Variants in TUBGCP3 observed in about 807,000 individuals in gnomAD.
The protein encoded by TUBGCP3 is gamma-tubulin complex component 3.
In TUBGCP3, 50 loss-of-function variants were observed where a neutral mutation model predicts 123.1. The observed-to-expected ratio is 0.41, with a 90% CI of 0.32 to 0.51. The LOEUF is 0.51. Among genes scored for constraint, TUBGCP3 ranks in the 20% least tolerant of loss-of-function variants. The pLI, the probability that TUBGCP3 is intolerant of heterozygous loss-of-function variation, is 0.36. For synonymous variants in TUBGCP3, 405 were observed against 413.9 expected, an observed-to-expected ratio of 0.98 and a Z score of 0.26; for missense variants, 882 against 1,127.0, an observed-to-expected ratio of 0.78 and a Z score of 3.11.
chr13:112,524,128 G>A lies in TUBGCP3; in HGVS notation c.1556-1619C>T, dbSNP rs1008610737. ...GACACCAAAATTCCCTGATGCTCAA[G>A]TCTCTTCTACAAAATGAAGCAATAT... On this transcript the variant is annotated intron_variant, in intron 13 of 21. Transcript: ENST00000261965. This position sits in a 1 kb window ranked among gnomAD's most constrained non-coding sequence, Gnocchi z 4.4. Among the ~76,000 whole-genome samples the A allele has an allele frequency of 6.6e-6, 1 of 152,100 alleles. No homozygotes were observed. Among genetic ancestry groups the A allele is most frequent in the Non-Finnish European group, 1.5e-5 (1 of 68,028 alleles).
Position 112,504,704 on chromosome 13 carries a change from C to A in TUBGCP3, c.2097G>T (p.Gly699=). ...CCAAAATGTGACACTGGTGCAGCACCCCGGAGAACTCTGCAAGGGAAGAGT... is the reference window on the plus strand; with the variant it reads ...CCAAAATGTGACACTGGTGCAGCACACCGGAGAACTCTGCAAGGGAAGAGT... ...KLLRNMPEFS[G]VLHQCHILAS... Residue 699 remains glycine, a synonymous_variant, in exon 18 of 22, where the codon GGG becomes GGT. Coordinates refer to ENST00000261965, the MANE Select transcript of TUBGCP3 (RefSeq NM_006322.6). The A allele has an allele frequency of 6.2e-7, 1 of 1,613,162 alleles. No homozygotes were observed. Among genetic ancestry groups the A allele is most frequent in the East Asian group, 2.2e-5 (1 of 44,842 alleles).
In TUBGCP3 at chr13:112,488,767, G is replaced by A. The variant is rs533497619; in HGVS notation, c.2565+814C>T. ...CACACCCACCACAGGGGAGCACAGG[G>A]GTCACCCCCAGGTCCCCACACCCAC... On this transcript the variant is annotated intron_variant, in intron 21 of 21. Transcript: ENST00000261965. Among the ~76,000 whole-genome samples the A allele has an allele frequency of 3.8e-3, 513 of 133,692 alleles. 5 individuals carry two copies. Among genetic ancestry groups the A allele is most frequent in the African/African-American group, 0.014 (487 of 34,124 alleles). The allele number at this position is 133,692 out of a possible 152,430, so 87.7% of individuals were successfully genotyped here. A position where few individuals can be genotyped will look rare whatever the true frequency, so the allele number is the denominator to read the frequency against.
rs1386662223 is a variant in TUBGCP3 at position 112,505,108 on chromosome 13, G to A, written c.2087-394C>T. Among the ~76,000 whole-genome samples the A allele has an allele frequency of 2.6e-5, 4 of 152,250 alleles. No homozygotes were observed. In the East Asian group the frequency reaches 7.7e-4, roughly 29 times the overall value. ...AACATTTACTATTCCCTGGCTCTCT[G>A]GAGATAAAGGTGACATTTCTTTAAG... On this transcript the variant is annotated intron_variant, in intron 17 of 21. Coordinates refer to ENST00000261965, the MANE Select transcript of TUBGCP3 (RefSeq NM_006322.6).
At chr13:112,593,652 G>A in the TUBGCP3 span, among the ~76,000 whole-genome samples, 6 of 151,952 alleles carry the variant, frequency 3.9e-5, no homozygotes, top group Non-Finnish European at 8.8e-5. Context: ...CAGCCTGGGT[G>A]ACAGAGCAAG....
chr13:112,541,867 C>T (rs1878547349), intron 11 of TUBGCP3, among the ~76,000 whole-genome samples: 2 of 152,182 alleles, frequency 1.3e-5, no homozygotes, highest in South Asian at 4.1e-4. Flanking sequence ...TACTATAACT[C>T]ACACACTAAT....
chr13:112,492,883 T>C (rs931855118), intron 20 of TUBGCP3, among the ~76,000 whole-genome samples: 2 of 145,410 alleles, frequency 1.4e-5, no homozygotes, highest in African/African-American at 5.2e-5. Context: ...CTGGTGTCCC[T>C]GAGACACTCT....
At chr13:112,528,143 G>C (rs1247627895) in intron 11 of TUBGCP3, among the ~76,000 whole-genome samples, 1 of 152,242 alleles carries the variant, frequency 6.6e-6, no homozygotes, top group African/African-American at 2.4e-5. Flanking sequence ...CCGTTAGAAA[G>C]GAAACTGAGC....
chr13:112,500,289 G>T (rs1162418605), intron 19 of TUBGCP3, among the ~76,000 whole-genome samples: 1 of 152,190 alleles, frequency 6.6e-6, no homozygotes, highest in Admixed American at 6.5e-5. Flanking sequence ...AACCCTCTTA[G>T]CTTGACAAGG....
intron 8 of TUBGCP3, among the ~76,000 whole-genome samples, chr13:112,551,073 T>C (rs1879541098): frequency 6.6e-6 from 1 of 151,944 alleles, no homozygotes; most frequent in Non-Finnish European, 1.5e-5. Context: ...CACTCCAGCC[T>C]GGGTGACAGA....
At chr13:112,489,030 G>C (rs2139180446) in intron 21 of TUBGCP3, among the ~76,000 whole-genome samples, 1 of 124,690 alleles carries the variant, frequency 8.0e-6, no homozygotes, top group Non-Finnish European at 1.7e-5. Flanking sequence ...GCCACCCCCA[G>C]GTCCCCACAT....
chr13:112,506,401 C>A (rs988490470), intron 17 of TUBGCP3, among the ~76,000 whole-genome samples: 31 of 152,220 alleles, frequency 2.0e-4, no homozygotes, highest in African/African-American at 7.0e-4. Flanking sequence ...AAGTTTACAA[C>A]TCTGCAAAGA....
In TUBGCP3 at chr13:112,485,408, A is replaced by G. The variant is rs1879587221; in HGVS notation, c.*585T>C. 1 of 152,638 alleles carries G rather than the reference A, an allele frequency of 6.6e-6. No individual in the cohort carries two copies. The highest frequency in any genetic ancestry group is 6.5e-5 in the Admixed American group (1 of 15,280). 9.5% of individuals were successfully genotyped at this position (152,638 alleles called of 1,614,324 possible). A position where few individuals can be genotyped will look rare whatever the true frequency, so the allele number is the denominator to read the frequency against. ...TAAATATAAAAATGTAAACTCTGAA[A>G]GGAGAGAAAATAAGAATAAATATGT... is the stretch of plus-strand genomic sequence containing the variant. On this transcript the variant is annotated 3_prime_UTR_variant, in exon 22 of 22. Coordinates refer to ENST00000261965, the MANE Select transcript of TUBGCP3 (RefSeq NM_006322.6).
At chr13:112,498,669 G>A (rs1367723178) in intron 20 of TUBGCP3, 18 of 1,192,030 alleles carry the variant, frequency 1.5e-5, no homozygotes, top group South Asian at 3.3e-5. Context: ...AGATGCACAC[G>A]TTTGCAAAAT....
chr13:112,575,858 C>A (rs1337166408), intron 1 of TUBGCP3, among the ~76,000 whole-genome samples: 1 of 152,178 alleles, frequency 6.6e-6, no homozygotes, highest in Non-Finnish European at 1.5e-5. Flanking sequence ...GCCAATGAGC[C>A]AAGGAGCACC....
intron 20 of TUBGCP3, among the ~76,000 whole-genome samples, chr13:112,494,022 T>C (rs1323454587): frequency 6.6e-6 from 1 of 151,472 alleles, no homozygotes; most frequent in Non-Finnish European, 1.5e-5. Context: ...CTGGTGTCCC[T>C]GAGACACTCT....
At chr13:112,495,458 CT>C (rs1348373380) in intron 20 of TUBGCP3, among the ~76,000 whole-genome samples, 1 of 152,076 alleles carries the variant, frequency 6.6e-6, no homozygotes, top group Non-Finnish European at 1.5e-5. Context: ...TCATGCAAAC[CT>C]TTTTAATGGG....
intron 11 of TUBGCP3, among the ~76,000 whole-genome samples, chr13:112,538,559 A>T (rs1878252945): frequency 6.6e-6 from 1 of 152,142 alleles, no homozygotes. Flanking sequence ...TCCCTGTTCA[A>T]ATCTGCTGTA....
At chr13:112,498,961 GT>G in intron 20 of TUBGCP3, 83 bp downstream of exon 20, 9 of 1,614,192 alleles carry the variant, frequency 5.6e-6, no homozygotes, top group Non-Finnish European at 7.6e-6. Flanking sequence ...TGGCAAGAAA[GT>G]TATTTGTTGG....
intron 1 of TUBGCP3, among the ~76,000 whole-genome samples, chr13:112,581,705 C>A (rs1268192589): frequency 6.6e-6 from 1 of 152,174 alleles, no homozygotes; most frequent in Non-Finnish European, 1.5e-5. Context: ...CTTGGCCTCC[C>A]AAAGTGCTGG....
Sources: allele counts gnomAD v4.1 joint callset (sites outside exome capture counted in the v4.1 genomes callset), GRCh38; gene constraint gnomAD v4.1.1; non-coding constraint Gnocchi (gnomAD v3.1); transcripts MANE v1.5; gene names NCBI Gene and HGNC (gene_info 2026-07-23, HGNC 2026-07-21).